DCAF1: variants seen among roughly 807,000 people sequenced by gnomAD.
DCAF1 encodes the protein DDB1 and CUL4 associated factor 1, also known as DDB1- and CUL4-associated factor 1.
Under a neutral mutation model 128.0 loss-of-function variants are expected in DCAF1, and 15 were observed. The ratio of observed to expected loss-of-function variants is 0.12; its 90% confidence interval spans 0.08 to 0.18. DCAF1 has a LOEUF of 0.18. Ranked by LOEUF, DCAF1 falls within the 10% of genes least tolerant of loss-of-function variation. DCAF1 has a pLI of 1.00. For missense variants in DCAF1, 988 were observed against 1,649.5 expected (o/e 0.60, Z 6.95); for synonymous variants, 610 against 603.0 (o/e 1.01, Z -0.17).
intron 2 of DCAF1, among the ~76,000 whole-genome samples, chr3:51,489,604 T>C (rs1707379731): frequency 6.6e-6 from 1 of 151,864 alleles, no homozygotes; most frequent in South Asian, 2.1e-4. Flanking sequence ...CTGGCCAACA[T>C]GGTGAAACCG....
chr3:51,502,356 GAC>G (rs1553664535), upstream of DCAF1, among the ~76,000 whole-genome samples: 1 of 152,058 alleles, frequency 6.6e-6, no homozygotes, highest in East Asian at 1.9e-4. Flanking sequence ...AACATAGAGA[GAC>G]ACCCCCACCC....
intron 24 of DCAF1, among the ~76,000 whole-genome samples, chr3:51,401,254 GC>G (rs2089679500): frequency 6.6e-6 from 1 of 152,040 alleles, no homozygotes; most frequent in Non-Finnish European, 1.5e-5. Flanking sequence ...GTACGTGGGG[GC>G]GCATGGGTGT....
chr3:51,500,035 T>G (rs553801488), upstream of DCAF1: 2 of 141,284 alleles, frequency 1.4e-5, no homozygotes, highest in East Asian at 2.3e-4. Context: ...GCGCGCTACG[T>G]GCACCGCGCG....
intron 9 of DCAF1, among the ~76,000 whole-genome samples, chr3:51,436,061 C>G (rs1700799334): frequency 6.6e-6 from 1 of 152,176 alleles, no homozygotes; most frequent in African/African-American, 2.4e-5. Flanking sequence ...GATTCGGGGG[C>G]CTCTCAAAAC....
At chr3:51,405,762 C>T (rs782640895) in intron 23 of DCAF1, among the ~76,000 whole-genome samples, 24 of 152,232 alleles carry the variant, frequency 1.6e-4, no homozygotes, top group Non-Finnish European at 3.1e-4. Context: ...TAGGTGCATT[C>T]TCTGCTGGTC....
intron 2 of DCAF1, among the ~76,000 whole-genome samples, chr3:51,488,796 C>T (rs1265702230): frequency 6.6e-6 from 1 of 151,842 alleles, no homozygotes; most frequent in African/African-American, 2.4e-5. Context: ...GAGCAAAACT[C>T]CGTCTACAAA....
intron 24 of DCAF1, among the ~76,000 whole-genome samples, chr3:51,402,063 A>C (rs2089741898): frequency 6.6e-6 from 1 of 152,234 alleles, no homozygotes; most frequent in Non-Finnish European, 1.5e-5. Flanking sequence ...TGATTTCTGC[A>C]GGATTCATTA....
At chr3:51,470,797 G>C (rs1704647325) in intron 4 of DCAF1, 132 bp downstream of exon 4, 1 of 503,550 alleles carries the variant, frequency 2.0e-6, no homozygotes, top group South Asian at 4.6e-5. Context: ...TACCACAAAA[G>C]ACGCTATTTC....
At chr3:51,465,721 G>C (rs1274387575) in intron 5 of DCAF1, among the ~76,000 whole-genome samples, 2 of 151,728 alleles carry the variant, frequency 1.3e-5, no homozygotes, top group African/African-American at 4.8e-5. Flanking sequence ...CTCCAGCCTG[G>C]GCAACAAAAG....
chr3:51,462,100 C>T (rs1703659454), intron 6 of DCAF1, among the ~76,000 whole-genome samples: 1 of 150,836 alleles, frequency 6.6e-6, no homozygotes, highest in Non-Finnish European at 1.5e-5. Context: ...GAAAAAAAAC[C>T]ACACAACATA....
intron 9 of DCAF1, chr3:51,437,523 G>GTA (rs1700961858): frequency 5.7e-6 from 2 of 352,218 alleles, no homozygotes; most frequent in South Asian, 4.4e-5. Flanking sequence ...TTTATAAAAT[G>GTA]TATAACAGGG....
chr3:51,487,465 C>T (rs1273072745), intron 2 of DCAF1, among the ~76,000 whole-genome samples: 1 of 152,126 alleles, frequency 6.6e-6, no homozygotes, highest in Non-Finnish European at 1.5e-5. Context: ...CAGATTTCAC[C>T]ATTTTTCAAA....
intron 7 of DCAF1, among the ~76,000 whole-genome samples, chr3:51,442,526 C>T (rs1159679780): frequency 4.0e-5 from 6 of 151,742 alleles, no homozygotes; most frequent in Admixed American, 2.6e-4. Flanking sequence ...GGTGAAACCC[C>T]GTCTCTACTA....
In DCAF1 at chr3:51,416,831, G is replaced by T. The variant is rs370481869; in HGVS notation, c.3559C>A (p.His1187Asn). 10 of 1,611,744 alleles carry T rather than the reference G, an allele frequency of 6.2e-6. No homozygotes were observed. In the African/African-American group the frequency reaches 9.3e-5, roughly 15 times the overall value. The change falls in exon 18 of 25, where the codon CAC becomes AAC. Residue 1187 changes from histidine (H) to asparagine (N), a missense_variant. Physicochemically the swap from His to Asn is moderately conservative, Grantham distance 68. Around this residue, in one of 11 missense-constraint regions of DCAF1, gnomAD observed 61 missense variants for 78.3 expected, o/e 0.78. Coordinates refer to ENST00000684031, the MANE Select transcript of DCAF1 (RefSeq NM_001387579.1). ...TEDHYVEFSK[H>N]SQDRVIGTKG... ...GTGCCGATGACCCGATCCTGGGAGT[G>T]CTTACTGAACTCAACATAGTGATCT...
At position 51,420,750 on chromosome 3, in the gene DCAF1, G is replaced by T; in HGVS notation, c.2220C>A (p.Ser740=). ...TGATGGGCATCTTAATGGACAGTAA[G>T]GACAGGAGCACCTTGATGCCGTTGT... The part of the protein sequence containing the change: ...QSNNGIKVLL[S]LLSIKMPITD... The change falls in exon 15 of 25, where the codon TCC becomes TCA. Residue 740 remains serine (S), a synonymous_variant. Coordinates refer to ENST00000684031, the MANE Select transcript of DCAF1 (RefSeq NM_001387579.1). This position sits in a 1 kb window ranked among gnomAD's most constrained non-coding sequence, Gnocchi z 6.5. 6.2e-7 allele frequency: 1 copy of T among 1,614,044 alleles called. No homozygotes were observed. The highest frequency in any genetic ancestry group is 8.5e-7 in the Non-Finnish European group (1 of 1,179,904).
Position 51,451,503 on chromosome 3 carries a change from G to A in DCAF1, c.376-7600C>T, listed in dbSNP as rs1702347986. Among the ~76,000 whole-genome samples, 2 of 151,950 alleles carry A rather than the reference G, an allele frequency of 1.3e-5. 1 individual carries two copies. Among genetic ancestry groups the A allele is most frequent in the South Asian group, 4.2e-4 (2 of 4,818 alleles). ...AAAATAAATAGATTTTAGGTCAGGT[G>A]TAATCCCAGCACTATGGGAGGCCAA... On this transcript the variant is annotated intron_variant, in intron 6 of 24. Coordinates refer to ENST00000684031, the MANE Select transcript of DCAF1 (RefSeq NM_001387579.1).
chr3:51,501,360 G>A (rs1708799265), upstream of DCAF1, among the ~76,000 whole-genome samples: 1 of 152,144 alleles, frequency 6.6e-6, no homozygotes, highest in South Asian at 2.1e-4. Context: ...ACTCTGACCA[G>A]CAGTCCCTCT....
intron 6 of DCAF1, among the ~76,000 whole-genome samples, chr3:51,453,951 CA>C (rs200483134): frequency 5.2e-4 from 67 of 129,628 alleles, no homozygotes; most frequent in Non-Finnish European, 4.0e-4. Flanking sequence ...GACTCCATCT[CA>C]AAAAAAAAAA....
At chr3:51,472,581 T>C (rs114663968) in intron 3 of DCAF1, among the ~76,000 whole-genome samples, 1,646 of 152,218 alleles carry the variant, frequency 0.011, 43 homozygotes, top group African/African-American at 0.036. Context: ...AATTGAACCA[T>C]ATAATCTTTT....
Sources: allele counts gnomAD v4.1 joint callset (sites outside exome capture counted in the v4.1 genomes callset), GRCh38; gene constraint gnomAD v4.1.1; regional missense constraint gnomAD v4.1.1; non-coding constraint Gnocchi (gnomAD v3.1); transcripts MANE v1.5; gene names NCBI Gene and HGNC (gene_info 2026-07-23, HGNC 2026-07-21).